Variants in CCDC88B observed in about 807,000 individuals in gnomAD.
CCDC88B encodes the protein coiled-coil domain-containing protein 88B.
Under a neutral mutation model 183.7 loss-of-function variants are expected in CCDC88B, and 138 were observed. The observed-to-expected ratio is 0.75, with a 90% CI of 0.65 to 0.87. CCDC88B has a LOEUF of 0.87. CCDC88B is among the 40% of genes least tolerant of loss of function. CCDC88B has a pLI of 0.00. For synonymous variants in CCDC88B, 835 were observed against 867.5 expected (o/e 0.96, Z 0.66); for missense variants, 1,822 against 1,965.6 (o/e 0.93, Z 1.38).
intron 1 of CCDC88B, 44 bp downstream of exon 1, chr11:64,340,370 C>G: frequency 1.6e-6 from 2 of 1,285,252 alleles, no homozygotes; most frequent in South Asian, 4.9e-5. Flanking sequence ...GAAGTGAGCC[C>G]CAGCCAGGGG....
At position 64,344,341 on chromosome 11, in the gene CCDC88B, C is replaced by T; in HGVS notation, c.1800C>T (p.Ser600=). The T allele has an allele frequency of 6.2e-7, 1 of 1,603,222 alleles. No homozygotes were observed. The highest frequency in any genetic ancestry group is 8.5e-7 in the Non-Finnish European group (1 of 1,176,016). ...CTGGCCGTAGATCCTCTCTCCAGAGCCCTGCCTCTGTGGCCCCACCTCAGG... is the reference window on the plus strand; with the variant it reads ...CTGGCCGTAGATCCTCTCTCCAGAGTCCTGCCTCTGTGGCCCCACCTCAGG... ...EKAGRRSSLQ[S]PASVAPPQGP... is the part of the protein sequence containing the mutation. Residue 600 remains serine, a synonymous_variant, in exon 14 of 27, where the codon AGC becomes AGT. Transcript: ENST00000356786. This position sits in a 1 kb window ranked among gnomAD's most constrained non-coding sequence, Gnocchi z 4.5.
chr11:64,341,340 G>C lies in CCDC88B; in HGVS notation c.447+12G>C. 1 of 1,614,108 alleles carries C rather than the reference G, an allele frequency of 6.2e-7. No individual in the cohort carries two copies. Among genetic ancestry groups the C allele is most frequent in the Non-Finnish European group, 8.5e-7 (1 of 1,180,018 alleles). ...GAGCGTCAGTACAGGTGAGCCGGCG[G>C]TGGGAAGGAAAGGTTAGGGTCGAGC... On this transcript the variant is annotated intron_variant, in intron 5 of 26. Coordinates refer to ENST00000356786, the MANE Select transcript of CCDC88B (RefSeq NM_032251.6).
chr11:64,350,728 G>C (rs1345476321), intron 16 of CCDC88B: 1 of 154,130 alleles, frequency 6.5e-6, no homozygotes, highest in African/African-American at 2.4e-5. Flanking sequence ...AAATTAGCCA[G>C]GCGTGGTGGC....
rs968967449 is a variant in CCDC88B, at chr11:64,342,580, C to G, written c.962C>G (p.Ala321Gly). 2.9e-5 allele frequency: 44 copies of G among 1,531,272 alleles called. No homozygotes were observed. Among genetic ancestry groups the G allele is most frequent in the Non-Finnish European group, 3.8e-5 (43 of 1,145,300 alleles). 94.9% of individuals were successfully genotyped at this position (1,531,272 alleles called of 1,614,324 possible). The change falls in exon 10 of 27, where the codon GCG becomes GGG. Residue 321 changes from alanine (A) to glycine (G), a missense_variant. By Grantham distance (60) the Ala-to-Gly change is moderately conservative. Transcript: ENST00000356786. ...GAGCTGTACCGCGAGGAGGCAGAGG[C>G]GCTGCGGGAGCGGGCCGGCCGCCTG... ...RAELYREEAEALRERAGRLPR... is the reference protein window; with the variant it reads ...RAELYREEAEGLRERAGRLPR...
chr11:64,350,188 G>C (rs2135311056), intron 16 of CCDC88B: 1 of 166,090 alleles, frequency 6.0e-6, no homozygotes, highest in South Asian at 1.5e-4. Flanking sequence ...CCCAGCAGGT[G>C]CATGCGAGTC....
intron 23 of CCDC88B, 82 bp downstream of exon 23, chr11:64,353,895 T>C: frequency 5.7e-6 from 9 of 1,588,228 alleles, no homozygotes; most frequent in Non-Finnish European, 7.8e-6. Flanking sequence ...CAGGCCCAGC[T>C]CAGGTCCAGG....
chr11:64,353,481 A>T lies in CCDC88B; in HGVS notation c.3818A>T (p.Glu1273Val). 1 of 1,611,946 alleles carries T rather than the reference A, an allele frequency of 6.2e-7. No individual in the cohort carries two copies. Among genetic ancestry groups the T allele is most frequent in the Non-Finnish European group, 8.5e-7 (1 of 1,179,836 alleles). The change falls in exon 22 of 27, where the codon GAA becomes GTA. Residue 1273 changes from glutamate to valine, a missense_variant. Transcript: ENST00000356786. ...SLESRDHLHR[E>V]QREYLDQLNA... ...GAGAGTCGGGACCACCTGCACCGCG[A>T]ACAGCGGGAGTACCTGTGAGTGGGC...
Position 64,355,211 on chromosome 11 carries a change from C to A in CCDC88B, c.4117C>A (p.Pro1373Thr). Residue 1373 changes from proline to threonine, a missense_variant, in exon 25 of 27, where the codon CCC becomes ACC. Transcript: ENST00000356786. ...TCTTGCAGGGTCCCCTTCCCCGGCA[C>A]CCATGCGCCGGGCCCAGAGCTCCCT... ...ADGTGSPSPA[P>T]MRRAQSSLCL... 6.7e-7 allele frequency: 1 copy of A among 1,500,708 alleles called. No individual in the cohort carries two copies. Among genetic ancestry groups the A allele is most frequent in the Non-Finnish European group, 8.9e-7 (1 of 1,127,402 alleles). The allele number at this position is 1,500,708 out of a possible 1,614,324, so 93.0% of individuals were successfully genotyped here. A position where few individuals can be genotyped will look rare whatever the true frequency, so the allele number is the denominator to read the frequency against.
Position 64,352,183 on chromosome 11 carries a change from G to T in CCDC88B, c.3153G>T (p.Glu1051Asp). The change falls in exon 19 of 27, where the codon GAG (glutamate) becomes GAT (aspartate). Residue 1051 changes from glutamate (E) to aspartate (D), a missense_variant. Transcript: ENST00000356786. ...GCCAGGAGCTGCACCGGAAGCTGGA[G>T]GTGCTGGAGGAGGAGGTGCGGGCGG... The part of the protein sequence containing the change: ...IQGQELHRKL[E>D]VLEEEVRAAR... 1 of 1,605,744 alleles carries T rather than the reference G, an allele frequency of 6.2e-7. No homozygotes were observed. Among genetic ancestry groups the T allele is most frequent in the Non-Finnish European group, 8.5e-7 (1 of 1,173,922 alleles).
intron 7 of CCDC88B, 77 bp from the exon 8 acceptor site, chr11:64,341,917 G>C (rs2035876310): frequency 1.2e-6 from 1 of 822,026 alleles, no homozygotes; most frequent in Admixed American, 2.3e-5. Flanking sequence ...ACAACCCCAT[G>C]TCTGGTGTTG....
At chr11:64,353,267 T>C in intron 21 of CCDC88B, 27 bp downstream of exon 21, 1 of 1,566,252 alleles carries the variant, frequency 6.4e-7, no homozygotes, top group East Asian at 2.3e-5. Flanking sequence ...GGTGGGGGTA[T>C]GGGCGTGTGG....
chr11:64,344,713 C>A lies in CCDC88B; in HGVS notation c.2172C>A (p.Val724=), dbSNP rs1425759788. Residue 724 remains valine (V), a synonymous_variant, in exon 14 of 27, where the codon GTC becomes GTA. Transcript: ENST00000356786. This position sits in a 1 kb window ranked among gnomAD's most constrained non-coding sequence, Gnocchi z 4.5. ...CAGGGGAGAGCCTGGCCAGTGGTGTCGCAGAGCAGGAGGCCCTCAGGGAGG... is the reference window on the plus strand; with the variant it reads ...CAGGGGAGAGCCTGGCCAGTGGTGTAGCAGAGCAGGAGGCCCTCAGGGAGG... The part of the protein sequence containing the change: ...PIPGESLASG[V]AEQEALREEV... The A allele has an allele frequency of 6.2e-7, 1 of 1,614,008 alleles. No individual in the cohort carries two copies. The highest frequency in any genetic ancestry group is 1.1e-5 in the South Asian group (1 of 91,056).
rs909423230 is a variant in CCDC88B, at chr11:64,345,019, G to C, written c.2478G>C (p.Arg826Ser). Reference sequence around the variant, plus strand: ...TGGCAGCAGCGGGCCGGGAGCGGAGGCAGTGGGAGCGTGAGGGGTCCAGGC... The same window carrying C: ...TGGCAGCAGCGGGCCGGGAGCGGAGCCAGTGGGAGCGTGAGGGGTCCAGGC... ...EALAAAGRER[R>S]QWEREGSRLR... The change falls in exon 14 of 27, where the codon AGG becomes AGC. Residue 826 changes from arginine to serine, a missense_variant. Coordinates refer to ENST00000356786, the MANE Select transcript of CCDC88B (RefSeq NM_032251.6). 3.2e-6 allele frequency: 5 copies of C among 1,547,432 alleles called. No homozygotes were observed. The Admixed American group carries it at 9.8e-5, about 30-fold the overall frequency.
Position 64,342,677 on chromosome 11 carries a change from G to A in CCDC88B, c.1059G>A (p.Leu353=). ...CGGCTGAGGCCTACAAGAGTCAGCTGGAGGTGAGGCGGAGACGGAGCCGCG... is the reference window on the plus strand; with the variant it reads ...CGGCTGAGGCCTACAAGAGTCAGCTAGAGGTGAGGCGGAGACGGAGCCGCG... ...LQAAEAYKSQ[L]EEERVLSGVL... Residue 353 remains leucine (L), a synonymous_variant, in exon 10 of 27, where the codon CTG becomes CTA. Coordinates refer to ENST00000356786, the MANE Select transcript of CCDC88B (RefSeq NM_032251.6). The A allele has an allele frequency of 1.3e-6, 2 of 1,490,502 alleles. No homozygotes were observed. The highest frequency in any genetic ancestry group is 1.3e-5 in the South Asian group (1 of 78,280). The allele number at this position is 1,490,502 out of a possible 1,614,324, so 92.3% of individuals were successfully genotyped here. A position where few individuals can be genotyped will look rare whatever the true frequency, so the allele number is the denominator to read the frequency against.
In CCDC88B at chr11:64,343,619, A is replaced by G. The variant is rs372011666; in HGVS notation, c.1318+4A>G. ...CCTCCAGGATCCCCTGGGGAGGGTGAGGGACCCCACTGGAAGGGCTGGGGT... is the reference window on the plus strand; with the variant it reads ...CCTCCAGGATCCCCTGGGGAGGGTGGGGGACCCCACTGGAAGGGCTGGGGT... On this transcript the variant is annotated splice_donor_region_variant and intron_variant, in intron 12 of 26. Coordinates refer to ENST00000356786, the MANE Select transcript of CCDC88B (RefSeq NM_032251.6). The G allele has an allele frequency of 1.5e-4, 237 of 1,551,140 alleles. No homozygotes were observed. The African/African-American group carries it at 3.0e-3, about 19-fold the overall frequency.
At chr11:64,355,462 T>C (rs1029846246) in intron 25 of CCDC88B, 62 bp downstream of exon 25, 6 of 1,583,884 alleles carry the variant, frequency 3.8e-6, no homozygotes, top group Admixed American at 3.6e-5. Context: ...CACCAGCTCC[T>C]TGGGGGAGGA....
Position 64,353,479 on chromosome 11 carries a change from C to T in CCDC88B, c.3816C>T (p.Arg1272=), listed in dbSNP as rs371783192. The part of the protein sequence containing the change: ...RSLESRDHLH[R]EQREYLDQLN... Reference sequence around the variant, plus strand: ...TGGAGAGTCGGGACCACCTGCACCGCGAACAGCGGGAGTACCTGTGAGTGG... The same window carrying T: ...TGGAGAGTCGGGACCACCTGCACCGTGAACAGCGGGAGTACCTGTGAGTGG... The change falls in exon 22 of 27, where the codon CGC becomes CGT. Residue 1272 remains arginine, a synonymous_variant. Transcript: ENST00000356786. The T allele has an allele frequency of 1.8e-5, 29 of 1,611,812 alleles. No homozygotes were observed. In the African/African-American group the frequency reaches 2.0e-4, roughly 11 times the overall value.
Position 64,353,508 on chromosome 11 carries a change from G to A in CCDC88B, c.3833+12G>A, listed in dbSNP as rs775837023. ...CAGCGGGAGTACCTGTGAGTGGGCC[G>A]CCTGGGAGCGGGGTGGGGCCTGCAT... On this transcript the variant is annotated intron_variant, in intron 22 of 26. Transcript: ENST00000356786. 2.9e-5 allele frequency: 47 copies of A among 1,608,340 alleles called. No individual in the cohort carries two copies. In the African/African-American group the frequency reaches 3.6e-4, roughly 12 times the overall value.
intron 16 of CCDC88B, 59 bp downstream of exon 16, chr11:64,349,727 C>CAGAT: frequency 6.9e-7 from 1 of 1,452,702 alleles, no homozygotes; most frequent in Non-Finnish European, 9.5e-7. Context: ...ATCCCATGAG[C>CAGAT]AGATGCCAGG....
Sources: gnomAD v4.1 joint callset for allele counts on GRCh38, gnomAD v4.1.1 for gene constraint, Gnocchi (gnomAD v3.1) non-coding constraint, MANE v1.5 for transcripts, NCBI Gene and HGNC (gene_info 2026-07-23, HGNC 2026-07-21) for gene names.